Variants in PRKN observed in about 807,000 individuals in gnomAD.
PRKN encodes the protein E3 ubiquitin-protein ligase parkin.
PRKN carries 56 observed loss-of-function variants against 59.5 expected under a neutral mutation model. The observed-to-expected ratio is 0.94, with a 90% CI of 0.76 to 1.18. The LOEUF (loss-of-function observed/expected upper bound fraction) is 1.18. Ranked by LOEUF, PRKN falls within the 50% of genes most tolerant of loss-of-function variation. The probability of loss-of-function intolerance (pLI) is 0.00; values close to 1 mark genes in which losing one functional copy is unlikely to be tolerated. For synonymous variants in PRKN, 250 were observed against 222.1 expected (o/e 1.13, Z -1.12); for missense variants, 657 against 596.4 (o/e 1.10, Z -1.06).
At chr6:162,411,514 A>G (rs1032622653) in intron 2 of PRKN, among the ~76,000 whole-genome samples, 5 of 152,212 alleles carry the variant, frequency 3.3e-5, no homozygotes, top group Admixed American at 6.5e-5. Flanking sequence ...TCAACTGTGC[A>G]ATGTGTGTGA....
chr6:162,699,778 A>T (rs561364269), intron 1 of PRKN, among the ~76,000 whole-genome samples: 2 of 152,212 alleles, frequency 1.3e-5, no homozygotes, highest in East Asian at 3.9e-4. Context: ...CCGGTCTCTC[A>T]ATCATCTGTC....
intron 3 of PRKN, among the ~76,000 whole-genome samples, chr6:162,211,529 T>TA (rs1468613608): frequency 1.3e-5 from 2 of 152,088 alleles, no homozygotes; most frequent in African/African-American, 2.4e-5. Context: ...TAAAATTTTT[T>TA]AAAAAAACAT....
intron 1 of PRKN, among the ~76,000 whole-genome samples, chr6:162,512,649 C>T (rs892008709): frequency 6.6e-5 from 10 of 152,142 alleles, no homozygotes; most frequent in African/African-American, 2.4e-4. Flanking sequence ...TATGAGCATG[C>T]ACATCCACAA....
At chr6:162,228,764 T>C (rs1778295864) in intron 3 of PRKN, among the ~76,000 whole-genome samples, 2 of 152,280 alleles carry the variant, frequency 1.3e-5, no homozygotes, top group South Asian at 4.1e-4. Context: ...ACTTTACATA[T>C]TGGTTTACAA....
chr6:162,613,523 C>A (rs539034213), intron 1 of PRKN, among the ~76,000 whole-genome samples: 1 of 152,270 alleles, frequency 6.6e-6, no homozygotes, highest in East Asian at 1.9e-4. Context: ...TAACGGTGAG[C>A]TGCCTGTAGA....
intron 4 of PRKN, among the ~76,000 whole-genome samples, chr6:162,146,312 T>C (rs573922874): frequency 6.6e-6 from 1 of 152,066 alleles, no homozygotes; most frequent in Non-Finnish European, 1.5e-5. Context: ...GTTTATAATC[T>C]TTTGCATTTT....
intron 6 of PRKN, among the ~76,000 whole-genome samples, chr6:161,946,414 A>ACACACTCTCT (rs1247187053): frequency 2.9e-4 from 33 of 114,444 alleles, no homozygotes; most frequent in African/African-American, 9.6e-4. Flanking sequence ...ACACACACAC[A>ACACACTCTCT]CTCTCTCTCT....
At chr6:162,392,446 C>T (rs375910168) in intron 2 of PRKN, among the ~76,000 whole-genome samples, 6 of 152,144 alleles carry the variant, frequency 3.9e-5, no homozygotes, top group Admixed American at 3.3e-4. Flanking sequence ...TCTCACTTGC[C>T]TTCCTTTGAT....
At chr6:161,948,795 G>A (rs1371658923) in intron 6 of PRKN, among the ~76,000 whole-genome samples, 1 of 152,114 alleles carries the variant, frequency 6.6e-6, no homozygotes, top group Non-Finnish European at 1.5e-5. Flanking sequence ...GTGTCAGTAA[G>A]GGCACATCTG....
chr6:161,528,121 TTAAAG>T (rs1779078728), intron 9 of PRKN, among the ~76,000 whole-genome samples: 1 of 152,206 alleles, frequency 6.6e-6, no homozygotes, highest in African/African-American at 2.4e-5. Flanking sequence ...AATGTCACTG[TTAAAG>T]TAATCCTCAG....
chr6:161,445,077 C>T lies in PRKN; in HGVS notation c.1084-58200G>A, dbSNP rs1789422651. Among the ~76,000 whole-genome samples, 1 of 152,046 alleles carries T rather than the reference C, an allele frequency of 6.6e-6. No homozygotes were observed. The highest frequency in any genetic ancestry group is 1.5e-5 in the Non-Finnish European group (1 of 68,032). On this transcript the variant is annotated intron_variant, in intron 9 of 11. Transcript: ENST00000366898. The surrounding 1 kb of genome is among the most constrained non-coding windows in gnomAD (Gnocchi z 7.7). ...CAAGAGTAGACTGGGCTTCAGGGAC[C>T]AGATGCCAGGGCTGGCACATCTGCC...
intron 1 of PRKN, among the ~76,000 whole-genome samples, chr6:162,660,662 C>T (rs571006105): frequency 6.6e-6 from 1 of 152,228 alleles, no homozygotes; most frequent in African/African-American, 2.4e-5. Context: ...GGAGGTAGAA[C>T]TCATTGGTCC....
intron 7 of PRKN, among the ~76,000 whole-genome samples, chr6:161,657,635 A>G (rs1017248111): frequency 2.0e-5 from 3 of 152,224 alleles, no homozygotes; most frequent in African/African-American, 2.4e-5. Flanking sequence ...TTAAGGGCTG[A>G]GAATATGAAC....
At chr6:162,418,925 C>T (rs897398385) in intron 2 of PRKN, among the ~76,000 whole-genome samples, 1 of 151,804 alleles carries the variant, frequency 6.6e-6, no homozygotes, top group African/African-American at 2.4e-5. Flanking sequence ...CAAGGACCCA[C>T]CCTGTACCCA....
At chr6:162,620,858 A>AT (rs1357219134) in intron 1 of PRKN, among the ~76,000 whole-genome samples, 3 of 152,072 alleles carry the variant, frequency 2.0e-5, no homozygotes, top group African/African-American at 2.4e-5. Context: ...CCAGATATAT[A>AT]TTTTTTACCA....
intron 4 of PRKN, among the ~76,000 whole-genome samples, chr6:162,148,704 AAT>A (rs1266018188): frequency 6.6e-6 from 1 of 152,188 alleles, no homozygotes; most frequent in East Asian, 1.9e-4. Flanking sequence ...CATAATATGA[AAT>A]ATATTTTTAG....
chr6:162,286,593 CTCAAGTAAG>C (rs1279519790), intron 2 of PRKN, among the ~76,000 whole-genome samples: 31 of 152,202 alleles, frequency 2.0e-4, no homozygotes, highest in Non-Finnish European at 3.2e-4. Flanking sequence ...CTAGATCGCT[CTCAAGTAAG>C]AAGAAACTTG....
At chr6:161,734,478 T>C (rs139911581) in intron 7 of PRKN, among the ~76,000 whole-genome samples, 95 of 152,220 alleles carry the variant, frequency 6.2e-4, no homozygotes, top group African/African-American at 2.2e-3. Context: ...GATCGCAAAG[T>C]CTTGTGATGG....
intron 2 of PRKN, among the ~76,000 whole-genome samples, chr6:162,340,489 T>C (rs886498778): frequency 6.6e-6 from 1 of 152,200 alleles, no homozygotes; most frequent in African/African-American, 2.4e-5. Context: ...GAGTATTGCT[T>C]CTGAAAATTA....
Sources: gnomAD v4.1 joint callset for allele counts (sites outside exome capture counted in the v4.1 genomes callset) on GRCh38, gnomAD v4.1.1 for gene constraint, Gnocchi (gnomAD v3.1) non-coding constraint, MANE v1.5 for transcripts, NCBI Gene and HGNC (gene_info 2026-07-23, HGNC 2026-07-21) for gene names.